Variants in TAB2 observed in about 807,000 individuals in gnomAD.
TAB2 encodes the protein TGF-beta-activated kinase 1 and MAP3K7-binding protein 2.
In TAB2, 3 loss-of-function variants were observed where a neutral mutation model predicts 65.0. That is an observed-to-expected ratio of 0.05 (90% CI 0.02 to 0.12). The LOEUF is 0.12. Ranked by LOEUF, TAB2 falls within the 10% of genes least tolerant of loss-of-function variation. TAB2 has a pLI of 1.00. For missense variants in TAB2, 623 were observed against 840.3 expected (o/e 0.74, Z 3.20); for synonymous variants, 298 against 285.1 (o/e 1.05, Z -0.46).
intron 2 of TAB2, among the ~76,000 whole-genome samples, chr6:149,373,884 C>T (rs968246368): frequency 1.3e-5 from 2 of 152,134 alleles, no homozygotes; most frequent in African/African-American, 2.4e-5. Flanking sequence ...TAAGCTAGAA[C>T]ATCTTGTCAT....
At chr6:149,399,701 C>T (rs1782304498) in intron 6 of TAB2, among the ~76,000 whole-genome samples, 1 of 152,178 alleles carries the variant, frequency 6.6e-6, no homozygotes, top group East Asian at 1.9e-4. Flanking sequence ...TGTTTTGATC[C>T]AGGCATTAAA....
chr6:149,282,999 G>A (rs575717820), intron 1 of TAB2, among the ~76,000 whole-genome samples: 1 of 152,022 alleles, frequency 6.6e-6, no homozygotes, highest in Non-Finnish European at 1.5e-5. Context: ...AACCTTTCAC[G>A]AAGATTTTAT....
intron 1 of TAB2, among the ~76,000 whole-genome samples, chr6:149,342,239 T>C (rs1780153357): frequency 6.6e-6 from 1 of 152,056 alleles, no homozygotes; most frequent in Admixed American, 6.6e-5. Context: ...CCCCTGGGAA[T>C]GGATCATAGG....
chr6:149,258,003 C>A (rs1216921327), intron 1 of TAB2, among the ~76,000 whole-genome samples: 1 of 152,182 alleles, frequency 6.6e-6, no homozygotes, highest in Middle Eastern at 3.2e-3. Context: ...AGCTCCCCAT[C>A]CAGTCCACGC....
intron 3 of TAB2, among the ~76,000 whole-genome samples, chr6:149,380,943 A>G (rs1781585431): frequency 6.6e-6 from 1 of 152,184 alleles, no homozygotes; most frequent in South Asian, 2.1e-4. Context: ...AGTATCATTC[A>G]TGGAGCTTTA....
intron 1 of TAB2, among the ~76,000 whole-genome samples, chr6:149,358,638 C>CTGTGTGTGTGTGTGTGTGTGTG (rs1246116686): frequency 3.2e-4 from 4 of 12,332 alleles, no homozygotes; most frequent in Non-Finnish European, 7.6e-4. Flanking sequence ...CTCTTCAGAA[C>CTGTGTGTGTGTGTGTGTGTGTG]TCTGTGTGTG....
intron 6 of TAB2, chr6:149,400,432 A>G (rs1230865406): frequency 3.1e-6 from 5 of 1,614,134 alleles, no homozygotes; most frequent in Non-Finnish European, 3.4e-6. Flanking sequence ...AAGACTGAGA[A>G]CAACAATCAT....
At chr6:149,361,871 A>C (rs895541017) in intron 1 of TAB2, among the ~76,000 whole-genome samples, 6 of 152,234 alleles carry the variant, frequency 3.9e-5, no homozygotes, top group African/African-American at 1.2e-4. Context: ...TGAAACTTCC[A>C]CAGATCCCCA....
At chr6:149,275,118 T>C (rs751895187) in intron 1 of TAB2, among the ~76,000 whole-genome samples, 5 of 94,714 alleles carry the variant, frequency 5.3e-5, no homozygotes, top group Non-Finnish European at 1.1e-4. Flanking sequence ...TTTTTTTCTC[T>C]TCTTCTGTTT....
At chr6:149,282,950 TG>T (rs1435346148) in intron 1 of TAB2, among the ~76,000 whole-genome samples, 6 of 152,224 alleles carry the variant, frequency 3.9e-5, no homozygotes, top group Non-Finnish European at 8.8e-5. Context: ...TACAACTGGC[TG>T]GGACAGCTTA....
intron 1 of TAB2, among the ~76,000 whole-genome samples, chr6:149,305,771 T>G (rs1779056783): frequency 6.6e-6 from 1 of 152,354 alleles, no homozygotes; most frequent in Non-Finnish European, 1.5e-5. Context: ...ATGTCATTTT[T>G]TCCTCCAATT....
chr6:149,349,927 GCATT>G (rs377536561), intron 1 of TAB2, among the ~76,000 whole-genome samples: 1 of 151,886 alleles, frequency 6.6e-6, no homozygotes, highest in African/African-American at 2.4e-5. Context: ...ATACATGCAT[GCATT>G]CATTCATTCA....
intron 1 of TAB2, among the ~76,000 whole-genome samples, chr6:149,350,977 C>G (rs1780471977): frequency 6.6e-6 from 1 of 152,078 alleles, no homozygotes. Flanking sequence ...CTGTAACTAC[C>G]CCCATCCTGA....
At chr6:149,343,230 C>T (rs1044452366) in intron 1 of TAB2, among the ~76,000 whole-genome samples, 1 of 152,116 alleles carries the variant, frequency 6.6e-6, no homozygotes, top group Non-Finnish European at 1.5e-5. Context: ...TTCCTGAGAT[C>T]CTCAACTATT....
intron 3 of TAB2, among the ~76,000 whole-genome samples, chr6:149,388,120 T>TA (rs1291950730): frequency 6.6e-6 from 1 of 152,198 alleles, no homozygotes; most frequent in Non-Finnish European, 1.5e-5. Flanking sequence ...AACCATGTCT[T>TA]AAAAACAACT....
chr6:149,225,242 C>T (rs1156363196), intron 1 of TAB2, among the ~76,000 whole-genome samples: 3 of 152,034 alleles, frequency 2.0e-5, no homozygotes, highest in Non-Finnish European at 4.4e-5. Flanking sequence ...GTAATATCAA[C>T]TTGAGAAGTT....
intron 2 of TAB2, 123 bp downstream of exon 2, chr6:149,370,222 G>A (rs2114857934): frequency 1.1e-6 from 1 of 894,992 alleles, no homozygotes; most frequent in South Asian, 1.4e-5. Context: ...AAAGAGATAA[G>A]CTTTGGTGTC....
chr6:149,302,334 T>C (rs963371609), intron 1 of TAB2, among the ~76,000 whole-genome samples: 3 of 152,216 alleles, frequency 2.0e-5, no homozygotes, highest in Non-Finnish European at 2.9e-5. Flanking sequence ...TTTCAGTTCA[T>C]TTTCCAGGTT....
At chr6:149,235,360 C>G (rs1285048966) in intron 1 of TAB2, among the ~76,000 whole-genome samples, 1 of 152,212 alleles carries the variant, frequency 6.6e-6, no homozygotes, top group African/African-American at 2.4e-5. Context: ...TGGGGATATT[C>G]TGTTGAGGAA....
Sources: allele counts gnomAD v4.1 joint callset (sites outside exome capture counted in the v4.1 genomes callset), GRCh38; gene constraint gnomAD v4.1.1; transcripts MANE v1.5; gene names NCBI Gene and HGNC (gene_info 2026-07-23, HGNC 2026-07-21).